The following SYNCRIP variants were observed in gnomAD, a reference collection of about 807,000 sequenced individuals.
The protein encoded by SYNCRIP is synaptotagmin binding cytoplasmic RNA interacting protein.
A neutral mutation model predicts 68.9 loss-of-function variants in SYNCRIP; 9 were observed. The observed-to-expected ratio is 0.13, with a 90% CI of 0.08 to 0.23. SYNCRIP has a LOEUF of 0.23. Among genes scored for constraint, SYNCRIP ranks in the 10% least tolerant of loss-of-function variants. SYNCRIP has a pLI of 1.00. For missense variants in SYNCRIP, 414 were observed against 770.6 expected (o/e 0.54, Z 5.48); for synonymous variants, 258 against 254.0 (o/e 1.02, Z -0.15).
chr6:85,627,828 A>G (rs1479184290), intron 6 of SYNCRIP, among the ~76,000 whole-genome samples: 1 of 152,208 alleles, frequency 6.6e-6, no homozygotes, highest in Admixed American at 6.5e-5. Context: ...ATGATCATTA[A>G]TCAATGTGAG....
At chr6:85,621,751 T>G (rs1415221576) in intron 8 of SYNCRIP, among the ~76,000 whole-genome samples, 3 of 152,110 alleles carry the variant, frequency 2.0e-5, no homozygotes, top group Non-Finnish European at 1.5e-5. Context: ...TACCTAATAA[T>G]GGCTAAATGT....
At chr6:85,619,022 TAATGTGGG>T in intron 9 of SYNCRIP, 83 bp from the exon 10 acceptor site, 1 of 1,408,298 alleles carries the variant, frequency 7.1e-7, no homozygotes, top group Non-Finnish European at 9.9e-7. Flanking sequence ...CATTTATCAT[TAATGTGGG>T]AAGGACAAGA....
intron 6 of SYNCRIP, among the ~76,000 whole-genome samples, chr6:85,628,168 G>T (rs532159356): frequency 6.6e-6 from 1 of 152,202 alleles, no homozygotes; most frequent in East Asian, 1.9e-4. Flanking sequence ...TGATTCTCCT[G>T]CCTCAGCCTC....
chr6:85,617,544 C>T (rs1424264135), intron 10 of SYNCRIP, among the ~76,000 whole-genome samples: 1 of 152,208 alleles, frequency 6.6e-6, no homozygotes, highest in Non-Finnish European at 1.5e-5. Flanking sequence ...ATCAAACCTA[C>T]AAAGTATATT....
In SYNCRIP at chr6:85,642,869, CCT is replaced by C. The variant is rs1201202437; in HGVS notation, c.-87_-86del. On this transcript the variant is annotated 5_prime_UTR_variant, in exon 1 of 11. Coordinates refer to ENST00000369622, the MANE Select transcript of SYNCRIP (RefSeq NM_006372.5). ...TGCGGGAAACGCGTGCTCGCTGCTC[CCT>C]GTGTCCGGCGCGAGTGGAGCTGTTG... 2.6e-5 allele frequency: 4 copies of C among 152,798 alleles called. No individual in the cohort carries two copies. In the East Asian group the frequency reaches 5.8e-4, roughly 22 times the overall value. The allele number at this position is 152,798 out of a possible 1,614,324, so 9.5% of individuals were successfully genotyped here.
At chr6:85,623,866 G>T in intron 7 of SYNCRIP, 111 bp downstream of exon 7, 1 of 1,313,650 alleles carries the variant, frequency 7.6e-7, no homozygotes. Context: ...AAGTTGTAGT[G>T]AGGATTCGAT....
chr6:85,614,541 T>A lies in SYNCRIP; in HGVS notation c.*215A>T, dbSNP rs1047939460. ...AACTCATTAACTATTTCTTTCAGTA[T>A]CTAAGAATATCTTTATTGAAAAAAA... On this transcript the variant is annotated 3_prime_UTR_variant, in exon 11 of 11. Coordinates refer to ENST00000369622, the MANE Select transcript of SYNCRIP (RefSeq NM_006372.5). The A allele has an allele frequency of 2.4e-6, 3 of 1,270,144 alleles. No individual in the cohort carries two copies. The highest frequency in any genetic ancestry group is 3.0e-6 in the Non-Finnish European group (3 of 1,009,960). 78.7% of individuals were successfully genotyped at this position (1,270,144 alleles called of 1,614,324 possible). A position where few individuals can be genotyped will look rare whatever the true frequency, so the allele number is the denominator to read the frequency against.
chr6:85,619,103 ATT>A (rs1192295296), intron 9 of SYNCRIP, among the ~76,000 whole-genome samples, 163 bp downstream of exon 9: 2 of 152,154 alleles, frequency 1.3e-5, no homozygotes, highest in African/African-American at 4.8e-5. Flanking sequence ...ATTATTTTTC[ATT>A]TTTACTTAGA....
chr6:85,623,081 C>T (rs552480206), intron 7 of SYNCRIP, among the ~76,000 whole-genome samples: 2 of 152,236 alleles, frequency 1.3e-5, no homozygotes, highest in East Asian at 3.9e-4. Flanking sequence ...CCTTAGATAT[C>T]AATGGCTTTA....
intron 1 of SYNCRIP, among the ~76,000 whole-genome samples, chr6:85,641,995 C>T (rs888516743): frequency 6.6e-6 from 1 of 152,158 alleles, no homozygotes; most frequent in Non-Finnish European, 1.5e-5. Flanking sequence ...CTCACCACTG[C>T]GGCCGCCAGG....
intron 6 of SYNCRIP, among the ~76,000 whole-genome samples, chr6:85,626,616 A>G (rs1253229739): frequency 6.6e-6 from 1 of 152,232 alleles, no homozygotes; most frequent in Non-Finnish European, 1.5e-5. Flanking sequence ...CCTTATAAGA[A>G]ATGTAGGAGG....
chr6:85,636,880 T>C (rs920992198), intron 6 of SYNCRIP, 87 bp downstream of exon 6: 4 of 1,331,912 alleles, frequency 3.0e-6, no homozygotes, highest in South Asian at 1.6e-5. Context: ...CAAAAAATGT[T>C]TGGTAAACTC....
chr6:85,638,309 G>A (rs1330579824), intron 4 of SYNCRIP, among the ~76,000 whole-genome samples: 1 of 150,054 alleles, frequency 6.7e-6, no homozygotes, highest in African/African-American at 2.4e-5. Context: ...AAACCTGGAG[G>A]GGCGGAGGTT....
At chr6:85,625,070 T>C (rs1008876587) in intron 6 of SYNCRIP, among the ~76,000 whole-genome samples, 2 of 152,182 alleles carry the variant, frequency 1.3e-5, no homozygotes, top group South Asian at 2.1e-4. Context: ...CCTTGCTAGG[T>C]ACACCGGGTA....
At chr6:85,637,445 T>C (rs1383363194) in intron 4 of SYNCRIP, 89 bp from the exon 5 acceptor site, 2 of 847,118 alleles carry the variant, frequency 2.4e-6, no homozygotes, top group Admixed American at 5.2e-5. Flanking sequence ...CTCAAATCTT[T>C]CCAATTATCT....
chr6:85,634,581 G>GT (rs11378102), intron 6 of SYNCRIP, among the ~76,000 whole-genome samples: 41,355 of 145,084 alleles, frequency 0.29, 6,512 homozygotes, highest in East Asian at 0.4. Flanking sequence ...CTGGTGTGTT[G>GT]TTTTTTTTTT....
intron 8 of SYNCRIP, among the ~76,000 whole-genome samples, chr6:85,620,712 T>C (rs959914864): frequency 1.3e-5 from 2 of 152,124 alleles, no homozygotes; most frequent in Admixed American, 6.6e-5. Context: ...AGGATACTGG[T>C]AGTGAGGAAG....
intron 10 of SYNCRIP, among the ~76,000 whole-genome samples, chr6:85,616,543 C>T (rs1329524766): frequency 2.0e-5 from 3 of 151,990 alleles, no homozygotes; most frequent in Non-Finnish European, 4.4e-5. Context: ...AGGCTGGTCT[C>T]GAACTCCTAA....
chr6:85,614,860 T>TG lies in SYNCRIP; in HGVS notation c.1767dup (p.Ile590HisfsTer10). On this transcript the variant is annotated frameshift_variant, in exon 11 of 11. Coordinates refer to ENST00000369622, the MANE Select transcript of SYNCRIP (RefSeq NM_006372.5). LOFTEE classifies it high-confidence loss of function. The stretch of plus-strand genomic sequence containing the variant: ...CCACCTTGGAGCGGTTGCTGAGCAA[T>TG]GGGTTGGGAGCCCCAGTTCTGATTA... 1 of 1,614,172 alleles carries TG rather than the reference T, an allele frequency of 6.2e-7. No homozygotes were observed.
Sources: gnomAD v4.1 joint callset for allele counts (sites outside exome capture counted in the v4.1 genomes callset) on GRCh38, gnomAD v4.1.1 for gene constraint, MANE v1.5 for transcripts, NCBI Gene and HGNC (gene_info 2026-07-23, HGNC 2026-07-21) for gene names.